USP54: variants seen among roughly 807,000 people sequenced by gnomAD.
USP54 encodes the protein ubiquitin specific peptidase 54.
A neutral mutation model predicts 170.5 loss-of-function variants in USP54; 87 were observed. The observed-to-expected ratio is 0.51, with a 90% confidence interval of 0.43 to 0.61. The LOEUF is 0.61. Among genes scored for constraint, USP54 ranks in the 20% least tolerant of loss-of-function variants. The pLI, the probability that USP54 is intolerant of heterozygous loss-of-function variation, is 0.00. For missense variants in USP54, 1,786 were observed against 2,047.8 expected, an observed-to-expected ratio of 0.87 and a Z score of 2.47; for synonymous variants, 655 against 742.8, an observed-to-expected ratio of 0.88 and a Z score of 1.92.
At chr10:73,611,318 T>C (rs1246901671) in intron 1 of USP54, among the ~76,000 whole-genome samples, 2 of 152,110 alleles carry the variant, frequency 1.3e-5, no homozygotes, top group Non-Finnish European at 2.9e-5. Context: ...ATTAAAAATG[T>C]GTCCATATTT....
intron 1 of USP54, among the ~76,000 whole-genome samples, chr10:73,602,855 CAAAAAAAAAAAA>C (rs60433926): frequency 2.4e-5 from 1 of 41,430 alleles, no homozygotes; most frequent in East Asian, 7.7e-4. Flanking sequence ...GACTCTGTCT[CAAAAAAAAAAAA>C]AAAAAAAAAA....
upstream of USP54, among the ~76,000 whole-genome samples, chr10:73,596,279 T>G (rs1394455766): frequency 2.6e-5 from 4 of 151,600 alleles, no homozygotes; most frequent in African/African-American, 9.7e-5. Context: ...AAAATTAGGC[T>G]GGGCACGGTG....
intron 20 of USP54, among the ~76,000 whole-genome samples, chr10:73,512,948 C>T (rs2060446492): frequency 6.6e-6 from 1 of 151,128 alleles, no homozygotes; most frequent in Non-Finnish European, 1.5e-5. Flanking sequence ...TCTCTTGAGC[C>T]AAGAAGGTCA....
intron 15 of USP54, among the ~76,000 whole-genome samples, chr10:73,527,050 A>G (rs2063001930): frequency 6.6e-6 from 1 of 152,164 alleles, no homozygotes; most frequent in Non-Finnish European, 1.5e-5. Flanking sequence ...TTTCATATTT[A>G]TTTCCTTCTT....
chr10:73,530,459 C>G lies in USP54; in HGVS notation c.1512G>C (p.Arg504Ser). 9 of 1,614,164 alleles carry G rather than the reference C, an allele frequency of 5.6e-6. No homozygotes were observed. Among genetic ancestry groups the G allele is most frequent in the Non-Finnish European group, 7.6e-6 (9 of 1,180,020 alleles). Residue 504 changes from arginine to serine, a missense_variant, in exon 14 of 24, where the codon AGG becomes AGC. Transcript: ENST00000687698. ...TGACTGTCTCTTTAAAATCTCTCAGCCTGTTGGTGCTGCTGGATGGTTTGG... is the reference window on the plus strand; with the variant it reads ...TGACTGTCTCTTTAAAATCTCTCAGGCTGTTGGTGCTGCTGGATGGTTTGG... ...NASKPSSSTN[R>S]LRDFKETVSN...
intron 4 of USP54, among the ~76,000 whole-genome samples, chr10:73,558,350 AT>A (rs1461326777): frequency 6.6e-6 from 1 of 152,188 alleles, no homozygotes. Context: ...AACCCAGTAC[AT>A]TTTACAGAAC....
At chr10:73,504,736 AG>A in intron 22 of USP54, 113 bp downstream of exon 22, 1 of 1,395,982 alleles carries the variant, frequency 7.2e-7, no homozygotes, top group South Asian at 1.3e-5. Context: ...CTGAGTACAC[AG>A]GGCCTTTCCT....
intron 1 of USP54, among the ~76,000 whole-genome samples, chr10:73,609,715 G>GCA (rs2079974243): frequency 6.6e-6 from 1 of 152,026 alleles, no homozygotes; most frequent in South Asian, 2.1e-4. Flanking sequence ...ATGGTGGCAG[G>GCA]CACCTATAAT....
chr10:73,499,930 T>C (rs925200075), intron 23 of USP54: 10 of 152,284 alleles, frequency 6.6e-5, no homozygotes, highest in African/African-American at 2.2e-4. Context: ...AAAAACAGTA[T>C]GTTTGGCCTA....
In USP54 at chr10:73,517,777, G is replaced by A. The variant is rs760827476; in HGVS notation, c.2679-30C>T. ...AACAAATGGAGAGAGCTAGTCATAA[G>A]CTGCCTTGACTGACAGGAACACTTA... On this transcript the variant is annotated intron_variant, in intron 19 of 23. Transcript: ENST00000687698. 5.8e-5 allele frequency: 92 copies of A among 1,579,342 alleles called. 2 individuals carry two copies. In the Admixed American group the frequency reaches 1.5e-3, roughly 26 times the overall value.
chr10:73,522,455 T>C lies in USP54; in HGVS notation c.2362+1128A>G, dbSNP rs190328069. The stretch of plus-strand genomic sequence containing the variant: ...ATGCAGGAAATGCTGAACCACAGTG[T>C]ATAGAGAACTGACAATGAAATATTG... On this transcript the variant is annotated intron_variant, in intron 17 of 23. Coordinates refer to ENST00000687698, the MANE Select transcript of USP54 (RefSeq NM_001391956.1). 3.7e-4 allele frequency among the ~76,000 whole-genome samples: 56 copies of C among 152,280 alleles called. 1 individual carries two copies. In the East Asian group the frequency reaches 0.01, roughly 28 times the overall value.
intron 17 of USP54, among the ~76,000 whole-genome samples, chr10:73,522,915 G>A (rs1466645080): frequency 2.0e-5 from 3 of 152,006 alleles, no homozygotes; most frequent in African/African-American, 4.8e-5. Flanking sequence ...TGGGGTTTCC[G>A]AATTATAAAA....
intron 1 of USP54, among the ~76,000 whole-genome samples, chr10:73,587,494 C>A (rs1324525992): frequency 6.6e-6 from 1 of 151,970 alleles, no homozygotes; most frequent in Non-Finnish European, 1.5e-5. Flanking sequence ...AAAAAGTGCA[C>A]CCTCTGCAGG....
intron 5 of USP54, 94 bp downstream of exon 5, chr10:73,545,444 G>A: frequency 1.3e-6 from 2 of 1,506,248 alleles, no homozygotes; most frequent in East Asian, 2.3e-5. Context: ...TAGAGATAAG[G>A]GCACAGCAAA....
chr10:73,569,683 C>G (rs892625960), intron 4 of USP54, among the ~76,000 whole-genome samples: 1 of 148,382 alleles, frequency 6.7e-6, no homozygotes, highest in Non-Finnish European at 1.5e-5. Context: ...ACCAGGGAGG[C>G]AGAGGTTGCG....
At chr10:73,556,309 G>A (rs1033671454) in intron 4 of USP54, among the ~76,000 whole-genome samples, 1 of 151,128 alleles carries the variant, frequency 6.6e-6, no homozygotes, top group Non-Finnish European at 1.5e-5. Context: ...GAAAGGAATG[G>A]ATTAATAATG....
chr10:73,589,813 A>T (rs970267191), intron 1 of USP54, among the ~76,000 whole-genome samples: 2 of 152,168 alleles, frequency 1.3e-5, no homozygotes, highest in Admixed American at 1.3e-4. Context: ...TACCAAAGAA[A>T]GGAGAATATC....
intron 1 of USP54, among the ~76,000 whole-genome samples, chr10:73,596,348 G>A (rs2078729557): frequency 6.6e-6 from 1 of 152,084 alleles, no homozygotes; most frequent in African/African-American, 2.4e-5. Flanking sequence ...ACAAGGTCAG[G>A]AGATCAAGAC....
chr10:73,499,572 G>C (rs1316702185), intron 23 of USP54: 1 of 161,214 alleles, frequency 6.2e-6, no homozygotes, highest in Admixed American at 5.9e-5. Context: ...ACCTCACGCA[G>C]CTTTTCTTTT....
Sources: gnomAD v4.1 joint callset for allele counts (sites outside exome capture counted in the v4.1 genomes callset) on GRCh38, gnomAD v4.1.1 for gene constraint, MANE v1.5 for transcripts, NCBI Gene and HGNC (gene_info 2026-07-23, HGNC 2026-07-21) for gene names.